Variants in GFM2 observed in about 807,000 individuals in gnomAD.
The protein encoded by GFM2 is ribosome-releasing factor 2, mitochondrial.
GFM2 carries 72 observed loss-of-function variants against 95.4 expected under a neutral mutation model. That is an observed-to-expected ratio of 0.76 (90% CI 0.62 to 0.92). The LOEUF is 0.92. Ranked by LOEUF, GFM2 falls within the 40% of genes least tolerant of loss-of-function variation. The pLI is 0.00. For synonymous variants in GFM2, 276 were observed against 317.5 expected, an observed-to-expected ratio of 0.87 and a Z score of 1.39; for missense variants, 825 against 924.1, an observed-to-expected ratio of 0.89 and a Z score of 1.39.
intron 16 of GFM2, among the ~76,000 whole-genome samples, chr5:74,732,026 C>G (rs1742590748): frequency 6.6e-6 from 1 of 151,458 alleles, no homozygotes; most frequent in East Asian, 1.9e-4. Context: ...ATGATCACAG[C>G]TCACTGTGGC....
At chr5:74,754,894 T>C (rs1394957002) in intron 5 of GFM2, among the ~76,000 whole-genome samples, 2 of 152,054 alleles carry the variant, frequency 1.3e-5, no homozygotes, top group Non-Finnish European at 2.9e-5. Flanking sequence ...GGCAGGCGGA[T>C]TACCTGAGGT....
intron 7 of GFM2, among the ~76,000 whole-genome samples, chr5:74,748,922 A>AAATAAAAT (rs1743543078): frequency 7.4e-6 from 1 of 135,098 alleles, no homozygotes; most frequent in African/African-American, 2.9e-5. Flanking sequence ...AAAAATAAAA[A>AAATAAAAT]AAAATAAAAA....
At chr5:74,740,515 TTTC>T (rs1340408433) in intron 11 of GFM2, among the ~76,000 whole-genome samples, 1 of 152,154 alleles carries the variant, frequency 6.6e-6, no homozygotes, top group African/African-American at 2.4e-5. Context: ...TGAGTTACCA[TTTC>T]TTCAAATAAA....
rs202077801 is a variant in GFM2, at chr5:74,736,772, T to C, written c.1510+24A>G. On this transcript the variant is annotated intron_variant, in intron 15 of 20. Coordinates refer to ENST00000296805, the MANE Select transcript of GFM2 (RefSeq NM_032380.5). ...TATAAATTATCAGCGCACTAATTAG[T>C]TGACACACTAAGACCATTTATACCT... 18 of 1,613,090 alleles carry C rather than the reference T, an allele frequency of 1.1e-5. No homozygotes were observed. In the East Asian group the frequency reaches 3.8e-4, roughly 34 times the overall value.
intron 2 of GFM2, among the ~76,000 whole-genome samples, chr5:74,762,371 C>T (rs1672901143): frequency 6.6e-6 from 1 of 152,148 alleles, no homozygotes; most frequent in Non-Finnish European, 1.5e-5. Flanking sequence ...GTCTTCTGCC[C>T]ACAAACTGAA....
chr5:74,757,421 G>A (rs1184975213), intron 5 of GFM2, among the ~76,000 whole-genome samples: 2 of 152,068 alleles, frequency 1.3e-5, no homozygotes, highest in Non-Finnish European at 2.9e-5. Context: ...TGTAAAGCTT[G>A]ATTTCCTTCT....
rs146811481 is a variant in GFM2 at position 74,764,889 on chromosome 5, G to C, written c.-24-1123C>G. On this transcript the variant is annotated intron_variant, in intron 1 of 20. Coordinates refer to ENST00000296805, the MANE Select transcript of GFM2 (RefSeq NM_032380.5). ...CAACCTCTGCCTCCTGGGTTCAAGC[G>C]ATTCTCCTGCCTCAGCCTCCCGAGT... 5.6e-3 allele frequency: 881 copies of C among 157,940 alleles called. 6 individuals carry two copies. Among genetic ancestry groups the C allele is most frequent in the African/African-American group, 0.021 (823 of 40,014 alleles). 9.8% of individuals were successfully genotyped at this position (157,940 alleles called of 1,614,324 possible). A position where few individuals can be genotyped will look rare whatever the true frequency, so the allele number is the denominator to read the frequency against.
rs202101111 is a variant in GFM2, at chr5:74,750,702, T to G, written c.431-35A>C. 4.1e-6 allele frequency: 6 copies of G among 1,475,010 alleles called. No homozygotes were observed. The Admixed American group carries it at 6.9e-5, about 17-fold the overall frequency. 91.4% of individuals were successfully genotyped at this position (1,475,010 alleles called of 1,614,324 possible). On this transcript the variant is annotated intron_variant, in intron 6 of 20. Transcript: ENST00000296805. ...AGATAAGACGTATAATGCCTTCTTT[T>G]TAACAAAACCATCATATGATCCAGC...
Position 74,740,030 on chromosome 5 carries a change from A to T in GFM2, c.1038T>A (p.Thr346=). Residue 346 remains threonine, a synonymous_variant, in exon 12 of 21, where the codon ACT becomes ACA. Transcript: ENST00000296805. ...GCTCTTCAGGTGAAGGTAAGTACAT[A>T]GTAACAGCATCTAACAAGGGCTGTA... The part of the protein sequence containing the change: ...KGIQPLLDAV[T]MYLPSPEERN... 1 of 1,599,288 alleles carries T rather than the reference A, an allele frequency of 6.3e-7. No homozygotes were observed. Among genetic ancestry groups the T allele is most frequent in the Non-Finnish European group, 8.5e-7 (1 of 1,174,108 alleles).
Position 74,745,828 on chromosome 5 carries a change from T to C in GFM2, c.699A>G (p.Lys233=). ...CTTTCATTACTACATCCACCACTCC[T>C]TTGAAAGTTTTGGCTTCACCAATTG... ...QLPIGEAKTF[K]GVVDVVMKEK... Residue 233 remains lysine, a synonymous_variant, in exon 10 of 21, where the codon AAA becomes AAG. Transcript: ENST00000296805. The C allele has an allele frequency of 6.2e-7, 1 of 1,612,118 alleles. No individual in the cohort carries two copies. Among genetic ancestry groups the C allele is most frequent in the South Asian group, 1.1e-5 (1 of 90,966 alleles).
At chr5:74,766,246 G>C (rs538266566) in intron 1 of GFM2, among the ~76,000 whole-genome samples, 3 of 152,210 alleles carry the variant, frequency 2.0e-5, no homozygotes, top group Non-Finnish European at 2.9e-5. Flanking sequence ...CGAGGCTGCG[G>C]TGAGCCGAGC....
At chr5:74,728,702 GATTTA>G (rs983704435) in intron 17 of GFM2, among the ~76,000 whole-genome samples, 6 of 134,552 alleles carry the variant, frequency 4.5e-5, no homozygotes, top group East Asian at 4.6e-4. Flanking sequence ...ATGGTTTTCT[GATTTA>G]ATTTTATTAT....
intron 4 of GFM2, 45 bp downstream of exon 4, chr5:74,759,324 T>A: frequency 8.9e-7 from 1 of 1,129,164 alleles, no homozygotes; most frequent in South Asian, 1.4e-5. Context: ...CCTGTAAATT[T>A]TCGTGACAGT....
At chr5:74,754,571 C>T (rs968403466) in intron 5 of GFM2, among the ~76,000 whole-genome samples, 2 of 151,800 alleles carry the variant, frequency 1.3e-5, no homozygotes, top group African/African-American at 4.8e-5. Context: ...GTTCTTATAT[C>T]AGACAAAACA....
chr5:74,731,357 G>C (rs147934999), intron 16 of GFM2, among the ~76,000 whole-genome samples: 1 of 152,124 alleles, frequency 6.6e-6, no homozygotes, highest in Non-Finnish European at 1.5e-5. Context: ...AGGTATTAGC[G>C]TATTAGCTTG....
At chr5:74,732,040 G>A (rs1742591318) in intron 16 of GFM2, among the ~76,000 whole-genome samples, 1 of 150,340 alleles carries the variant, frequency 6.7e-6, no homozygotes, top group Non-Finnish European at 1.5e-5. Flanking sequence ...CTGTGGCCTT[G>A]ACCTCCCAGG....
At chr5:74,741,714 T>TAGG in intron 10 of GFM2, 105 bp from the exon 11 acceptor site, 1 of 567,674 alleles carries the variant, frequency 1.8e-6, no homozygotes, top group Non-Finnish European at 3.1e-6. Flanking sequence ...TCAAGACAGC[T>TAGG]ACCTTACCTA....
In GFM2 at chr5:74,738,545, T is replaced by C; in HGVS notation, c.1177A>G (p.Ile393Val). ...LVFMRIYSGT[I>V]KPQLAIHNIN... ...TTATGAATGGCCAACTGGGGTTTTATAGTGCCTGAGTAAATGCGCATAAAA... is the reference window on the plus strand; with the variant it reads ...TTATGAATGGCCAACTGGGGTTTTACAGTGCCTGAGTAAATGCGCATAAAA... The change falls in exon 13 of 21, where the codon ATA becomes GTA. Residue 393 changes from isoleucine (I) to valine (V), a missense_variant. Transcript: ENST00000296805. 4 of 1,613,658 alleles carry C rather than the reference T, an allele frequency of 2.5e-6. No homozygotes were observed. The highest frequency in any genetic ancestry group is 3.4e-6 in the Non-Finnish European group (4 of 1,179,740).
chr5:74,760,802 T>G, intron 3 of GFM2, 100 bp downstream of exon 3: 1 of 778,846 alleles, frequency 1.3e-6, no homozygotes, highest in South Asian at 1.6e-5. Flanking sequence ...AAGTAAAAAA[T>G]GGTTACAGAG....
Sources: allele counts gnomAD v4.1 joint callset (sites outside exome capture counted in the v4.1 genomes callset), GRCh38; gene constraint gnomAD v4.1.1; transcripts MANE v1.5; gene names NCBI Gene and HGNC (gene_info 2026-07-23, HGNC 2026-07-21).